INVS: variants seen among roughly 807,000 people sequenced by gnomAD.
The protein encoded by INVS is inversin.
INVS carries 86 observed loss-of-function variants against 108.8 expected under a neutral mutation model. The observed-to-expected ratio is 0.79, with a 90% CI of 0.66 to 0.95. INVS has a LOEUF of 0.95. Among genes scored for constraint, INVS ranks in the 40% least tolerant of loss-of-function variants. INVS has a pLI of 0.00. For missense variants in INVS, 1,169 were observed against 1,297.4 expected (o/e 0.90, Z 1.52); for synonymous variants, 455 against 473.5 (o/e 0.96, Z 0.51).
intron 3 of INVS, among the ~76,000 whole-genome samples, chr9:100,174,537 G>C (rs1390830517): frequency 1.3e-5 from 2 of 152,148 alleles, no homozygotes; most frequent in East Asian, 3.9e-4. Flanking sequence ...TTAAGAAAAT[G>C]ATGGCCAAAA....
chr9:100,161,691 T>G (rs1422802783), intron 3 of INVS, among the ~76,000 whole-genome samples: 1 of 152,076 alleles, frequency 6.6e-6, no homozygotes, highest in African/African-American at 2.4e-5. Context: ...GGCAGAAGGT[T>G]AGGATTGGAT....
intron 3 of INVS, among the ~76,000 whole-genome samples, chr9:100,203,215 T>A (rs932734679): frequency 1.3e-5 from 2 of 152,174 alleles, no homozygotes; most frequent in African/African-American, 4.8e-5. Flanking sequence ...GATTTTTTTT[T>A]AAATGCTTGC....
chr9:100,251,412 A>G (rs1172734578), intron 8 of INVS, among the ~76,000 whole-genome samples: 2 of 152,250 alleles, frequency 1.3e-5, no homozygotes, highest in Non-Finnish European at 2.9e-5. Flanking sequence ...GAGGGATGGC[A>G]TAAGCCAAGC....
chr9:100,222,750 T>C (rs1831191573), intron 3 of INVS, among the ~76,000 whole-genome samples: 1 of 152,194 alleles, frequency 6.6e-6, no homozygotes, highest in African/African-American at 2.4e-5. Context: ...TTTGAAGTGT[T>C]ATGTTCAGAA....
At position 100,300,971 on chromosome 9, in the gene INVS, A is replaced by G. The variant is rs190277417; in HGVS notation, c.*297A>G. The G allele has an allele frequency of 1.8e-3, 676 of 378,158 alleles. 13 individuals carry two copies. In the South Asian group the frequency reaches 0.021, roughly 12 times the overall value. The allele number at this position is 378,158 out of a possible 1,614,324, so 23.4% of individuals were successfully genotyped here. ...TCTGTACAGTTGGAAATGAGAATTC[A>G]TAATTAACAGCAAAATCTAAGGAAA... On this transcript the variant is annotated 3_prime_UTR_variant, in exon 17 of 17. Coordinates refer to ENST00000262457, the MANE Select transcript of INVS (RefSeq NM_014425.5).
In INVS at chr9:100,183,695, G is replaced by C. The variant is rs550619114; in HGVS notation, c.274-42367G>C. On this transcript the variant is annotated intron_variant, in intron 3 of 16. Coordinates refer to ENST00000262457, the MANE Select transcript of INVS (RefSeq NM_014425.5). The stretch of plus-strand genomic sequence containing the variant: ...AGTCCCAGCTACTCGGGAGGCTGAG[G>C]CATGAGAATTGCTTGAGTCCAGGAG... Among the ~76,000 whole-genome samples, 15 of 151,140 alleles carry C rather than the reference G, an allele frequency of 9.9e-5. No homozygotes were observed. In the East Asian group the frequency reaches 2.3e-3, roughly 24 times the overall value.
At chr9:100,171,711 C>T (rs911884992) in intron 3 of INVS, among the ~76,000 whole-genome samples, 2 of 152,144 alleles carry the variant, frequency 1.3e-5, no homozygotes, top group Non-Finnish European at 2.9e-5. Flanking sequence ...CCCTTCTGAT[C>T]ACCAAATTCA....
chr9:100,117,424 G>C, intron 2 of INVS: 1 of 791,188 alleles, frequency 1.3e-6, no homozygotes, highest in Non-Finnish European at 2.2e-6. Context: ...TCATGTCCTT[G>C]ACCAAGCGGC....
chr9:100,253,759 G>A (rs1832320390), intron 10 of INVS, among the ~76,000 whole-genome samples: 1 of 151,880 alleles, frequency 6.6e-6, no homozygotes, highest in African/African-American at 2.4e-5. Flanking sequence ...TTTTTTTTGT[G>A]GCTGCATAGT....
At chr9:100,226,476 T>C (rs371574449) in intron 4 of INVS, among the ~76,000 whole-genome samples, 1 of 151,990 alleles carries the variant, frequency 6.6e-6, no homozygotes, top group African/African-American at 2.4e-5. Flanking sequence ...TCAGGAAGAT[T>C]AAAAGTTTGC....
rs1282444120 is a variant in INVS at position 100,126,607 on chromosome 9, T to G, written c.273+58T>G. ...TTTTGTGTGATGTCTGCTAGTTGAT[T>G]AGTGGAACTATGCAATGGACAGATA... On this transcript the variant is annotated intron_variant, in intron 3 of 16. Coordinates refer to ENST00000262457, the MANE Select transcript of INVS (RefSeq NM_014425.5). 1.3e-5 allele frequency: 19 copies of G among 1,482,728 alleles called. No individual in the cohort carries two copies. The Admixed American group carries it at 1.3e-4, about 10-fold the overall frequency. The allele number at this position is 1,482,728 out of a possible 1,614,324, so 91.8% of individuals were successfully genotyped here.
At chr9:100,267,019 TAAAAAAAAAAAAAA>T (rs11415703) in intron 11 of INVS, among the ~76,000 whole-genome samples, 178 of 93,138 alleles carry the variant, frequency 1.9e-3, no homozygotes, top group African/African-American at 6.8e-3. Context: ...TTTGAAACTC[TAAAAAAAAAAAAAA>T]AAAAAAAAAA....
intron 5 of INVS, among the ~76,000 whole-genome samples, chr9:100,236,145 A>G (rs1429204161): frequency 3.3e-5 from 5 of 152,094 alleles, no homozygotes; most frequent in Non-Finnish European, 7.4e-5. Context: ...CACTTGATCG[A>G]TCCGGCTGTT....
At chr9:100,215,301 A>C (rs1190249836) in intron 3 of INVS, 2 of 152,216 alleles carry the variant, frequency 1.3e-5, no homozygotes, top group Non-Finnish European at 2.9e-5. Flanking sequence ...TTTGGGAAAA[A>C]GAAAGAAGCA....
chr9:100,117,459 C>A lies in INVS; in HGVS notation c.107-8924C>A. 5.1e-6 allele frequency: 4 copies of A among 786,982 alleles called. No homozygotes were observed. In the South Asian group the frequency reaches 5.5e-5, roughly 11 times the overall value. 48.7% of individuals were successfully genotyped at this position (786,982 alleles called of 1,614,324 possible). ...CCCAGCTTGGTGACGGGCATGCACT[C>A]CTTATCCTCGGCCTTGCCTTCTCGA... On this transcript the variant is annotated intron_variant, in intron 2 of 16. Transcript: ENST00000262457.
intron 5 of INVS, among the ~76,000 whole-genome samples, chr9:100,232,965 T>C (rs1456832944): frequency 6.6e-6 from 1 of 152,216 alleles, no homozygotes; most frequent in African/African-American, 2.4e-5. Context: ...ATTTTCATGA[T>C]ATTGATTCTC....
chr9:100,181,000 A>G (rs1000079632), intron 3 of INVS, among the ~76,000 whole-genome samples: 1 of 152,192 alleles, frequency 6.6e-6, no homozygotes, highest in Admixed American at 6.6e-5. Context: ...AACATAATCC[A>G]TCACATAAAC....
intron 3 of INVS, among the ~76,000 whole-genome samples, chr9:100,174,664 G>A (rs554983149): frequency 1.2e-4 from 19 of 152,246 alleles, no homozygotes; most frequent in African/African-American, 4.6e-4. Flanking sequence ...CTGTAATCCT[G>A]CACTTTGGGA....
rs1450041679 is a variant in INVS, at chr9:100,143,438, A to G, written c.273+16889A>G. Among the ~76,000 whole-genome samples, 4 of 152,068 alleles carry G rather than the reference A, an allele frequency of 2.6e-5. No individual in the cohort carries two copies. In the East Asian group the frequency reaches 7.7e-4, roughly 29 times the overall value. ...TTTGAAGCGTGCTGTGGGATGGGAT[A>G]TTGACATTGAGCAGGGTAAGGGTGA... is the stretch of plus-strand genomic sequence containing the variant. On this transcript the variant is annotated intron_variant, in intron 3 of 16. Coordinates refer to ENST00000262457, the MANE Select transcript of INVS (RefSeq NM_014425.5).
Sources: allele counts gnomAD v4.1 joint callset (sites outside exome capture counted in the v4.1 genomes callset), GRCh38; gene constraint gnomAD v4.1.1; transcripts MANE v1.5; gene names NCBI Gene and HGNC (gene_info 2026-07-23, HGNC 2026-07-21).